NRG3: variants seen among roughly 807,000 people sequenced by gnomAD.
The protein encoded by NRG3 is neuregulin 3.
Under a neutral mutation model 66.9 loss-of-function variants are expected in NRG3, and 31 were observed. The ratio of observed to expected loss-of-function variants is 0.46; its 90% CI spans 0.35 to 0.63. NRG3 has a LOEUF of 0.63. NRG3 is among the 20% of genes least tolerant of loss of function. The pLI is 0.00. For missense variants in NRG3, 910 were observed against 878.9 expected (o/e 1.04, Z -0.45); for synonymous variants, 393 against 359.4 (o/e 1.09, Z -1.06).
In NRG3 at chr10:82,349,774, G is replaced by T. The variant is rs568507327; in HGVS notation, c.824-8965G>T. On this transcript the variant is annotated intron_variant, in intron 1 of 8. Transcript: ENST00000372141. ...GCGGGATAGAATCTCTTGGTGTGCC[G>T]TTTTTTAAGCCAGTCGGAAAAGCGC... Among the ~76,000 whole-genome samples the T allele has an allele frequency of 5.1e-4, 77 of 152,322 alleles. 1 individual carries two copies. In the East Asian group the frequency reaches 0.012, roughly 23 times the overall value.
chr10:82,277,779 C>G (rs1216229924), intron 1 of NRG3, among the ~76,000 whole-genome samples: 1 of 152,036 alleles, frequency 6.6e-6, no homozygotes, highest in Non-Finnish European at 1.5e-5. Flanking sequence ...AATGTTTATG[C>G]TTTAGCTGGA....
chr10:82,723,706 G>A lies in NRG3; in HGVS notation c.954-14871G>A, dbSNP rs144932001. On this transcript the variant is annotated intron_variant, in intron 2 of 8. Coordinates refer to ENST00000372141, the MANE Select transcript of NRG3 (RefSeq NM_001010848.4). ...CTTTAAAAACATAAATAGTCCAGGC[G>A]TGGTGGCTCACGCCTGTAATCCCAG... 2.3e-3 allele frequency among the ~76,000 whole-genome samples: 350 copies of A among 152,112 alleles called. 2 individuals carry two copies. The highest frequency in any genetic ancestry group is 2.9e-3 in the Non-Finnish European group (199 of 68,008).
intron 2 of NRG3, among the ~76,000 whole-genome samples, chr10:82,409,495 G>A (rs2087884068): frequency 6.6e-6 from 1 of 152,152 alleles, no homozygotes; most frequent in African/African-American, 2.4e-5. Context: ...TCTGAGCTGG[G>A]TAGAAAATAT....
intron 2 of NRG3, among the ~76,000 whole-genome samples, chr10:82,409,656 G>A (rs992696218): frequency 1.3e-5 from 2 of 152,098 alleles, no homozygotes; most frequent in African/African-American, 2.4e-5. Flanking sequence ...TGTATAATAC[G>A]TTAGCCCAAA....
chr10:82,619,094 A>G (rs1195662790), intron 2 of NRG3, among the ~76,000 whole-genome samples: 1 of 152,176 alleles, frequency 6.6e-6, no homozygotes, highest in African/African-American at 2.4e-5. Context: ...ATGTTGGGCC[A>G]AAGTATTACT....
chr10:82,261,168 AC>A (rs1328656544), intron 1 of NRG3, among the ~76,000 whole-genome samples: 1 of 152,146 alleles, frequency 6.6e-6, no homozygotes, highest in Non-Finnish European at 1.5e-5. Flanking sequence ...CAAGGGAGAA[AC>A]CAGCTGGAGG....
At chr10:81,944,985 C>A (rs1454490450) in intron 1 of NRG3, among the ~76,000 whole-genome samples, 2 of 152,034 alleles carry the variant, frequency 1.3e-5, no homozygotes, top group African/African-American at 2.4e-5. Context: ...TTCCACTGCC[C>A]CTGAGCTCTA....
At chr10:82,216,609 GAT>G (rs34744631) in intron 1 of NRG3, among the ~76,000 whole-genome samples, 43,665 of 142,216 alleles carry the variant, frequency 0.31, 7,911 homozygotes, top group African/African-American at 0.51. Context: ...GATATATATA[GAT>G]ATATATATAT....
chr10:82,256,774 T>G (rs2077750370), intron 1 of NRG3, among the ~76,000 whole-genome samples: 1 of 152,198 alleles, frequency 6.6e-6, no homozygotes, highest in African/African-American at 2.4e-5. Context: ...GAGAATGCAT[T>G]TGGAACCCTT....
At chr10:82,941,923 G>A (rs972310494) in intron 4 of NRG3, among the ~76,000 whole-genome samples, 3 of 152,010 alleles carry the variant, frequency 2.0e-5, no homozygotes, top group Admixed American at 6.6e-5. Context: ...GCAACACATA[G>A]GATCTGATTT....
intron 3 of NRG3, among the ~76,000 whole-genome samples, chr10:82,809,545 T>A (rs924598543): frequency 9.9e-5 from 15 of 152,152 alleles, no homozygotes; most frequent in African/African-American, 3.4e-4. Flanking sequence ...ATATATTATA[T>A]CTTATCATAC....
intron 1 of NRG3, among the ~76,000 whole-genome samples, chr10:82,026,551 A>G (rs1459930621): frequency 6.6e-6 from 1 of 152,032 alleles, no homozygotes; most frequent in Non-Finnish European, 1.5e-5. Flanking sequence ...ATTGGCTGTT[A>G]GTATTGACTA....
chr10:81,934,123 A>T (rs1050115102), intron 1 of NRG3, among the ~76,000 whole-genome samples: 14 of 152,208 alleles, frequency 9.2e-5, no homozygotes, highest in Admixed American at 4.6e-4. Context: ...TGCCTCTGAC[A>T]GTGCTTACAA....
At chr10:81,940,828 G>T (rs938887695) in intron 1 of NRG3, among the ~76,000 whole-genome samples, 11 of 152,012 alleles carry the variant, frequency 7.2e-5, no homozygotes, top group Admixed American at 5.9e-4. Context: ...TAACATATTA[G>T]ATCAGAATCT....
chr10:82,332,721 A>G (rs945754479), intron 1 of NRG3, among the ~76,000 whole-genome samples: 1 of 152,222 alleles, frequency 6.6e-6, no homozygotes, highest in Admixed American at 6.5e-5. Context: ...GAGACAATCA[A>G]TCACTTATCT....
intron 4 of NRG3, among the ~76,000 whole-genome samples, chr10:82,886,746 A>G (rs994219340): frequency 6.6e-6 from 1 of 152,206 alleles, no homozygotes; most frequent in Non-Finnish European, 1.5e-5. Flanking sequence ...TCAAGTAAAG[A>G]CAAAGTTAGG....
At chr10:82,883,594 C>T (rs1305622039) in intron 4 of NRG3, among the ~76,000 whole-genome samples, 1 of 152,126 alleles carries the variant, frequency 6.6e-6, no homozygotes, top group Non-Finnish European at 1.5e-5. Flanking sequence ...TATTTGTTCT[C>T]TAATCTGCTC....
At chr10:82,391,262 CTCTG>C (rs1484255285) in intron 2 of NRG3, among the ~76,000 whole-genome samples, 4 of 152,276 alleles carry the variant, frequency 2.6e-5, no homozygotes, top group Non-Finnish European at 2.9e-5. Context: ...TTTAAAGCCT[CTCTG>C]TCTGAGAAGG....
intron 2 of NRG3, among the ~76,000 whole-genome samples, chr10:82,420,737 G>A (rs1216807864): frequency 6.6e-6 from 1 of 152,072 alleles, no homozygotes; most frequent in Non-Finnish European, 1.5e-5. Context: ...TTTTAGAAAA[G>A]TACCATTGCC....
Sources: allele counts gnomAD v4.1 joint callset (sites outside exome capture counted in the v4.1 genomes callset), GRCh38; gene constraint gnomAD v4.1.1; transcripts MANE v1.5; gene names NCBI Gene and HGNC (gene_info 2026-07-23, HGNC 2026-07-21).